The following SRGAP2 variants were observed in gnomAD, a reference collection of about 807,000 sequenced individuals.
SRGAP2 encodes the protein SLIT-ROBO Rho GTPase activating protein 2.
SRGAP2 carries 15 observed loss-of-function variants against 57.2 expected under a neutral mutation model. The ratio of observed to expected loss-of-function variants is 0.26; its 90% CI spans 0.18 to 0.40. The LOEUF (loss-of-function observed/expected upper bound fraction) is 0.40. SRGAP2 is among the 10% of genes least tolerant of loss of function. The pLI is 1.00. For missense variants in SRGAP2, 520 were observed against 669.6 expected, an observed-to-expected ratio of 0.78 and a Z score of 2.47; for synonymous variants, 249 against 248.0, an observed-to-expected ratio of 1.00 and a Z score of -0.04.
At chr1:206,342,340 A>C (rs1184924715) in intron 3 of SRGAP2, among the ~76,000 whole-genome samples, 1 of 152,230 alleles carries the variant, frequency 6.6e-6, no homozygotes, top group Non-Finnish European at 1.5e-5. Flanking sequence ...TTAGTGGCTA[A>C]AATGATGGAC....
At chr1:206,437,102 C>T (rs1661831504) in intron 15 of SRGAP2, 60 bp downstream of exon 15, 1 of 777,070 alleles carries the variant, frequency 1.3e-6, no homozygotes, top group Admixed American at 1.7e-5. Context: ...GGTATTGGCT[C>T]CACCCTTTCT....
At position 206,461,958 on chromosome 1, in the gene SRGAP2, G is replaced by C. The variant is rs1664304568; in HGVS notation, c.*538G>C. ...GTTTTTCTAGTCTCTGGCATGTGTA[G>C]CCTCTCCTGGTCATAGACCAGTCTC... On this transcript the variant is annotated 3_prime_UTR_variant, in exon 23 of 23. Coordinates refer to ENST00000573034, the MANE Select transcript of SRGAP2 (RefSeq NM_015326.5). 6.5e-6 allele frequency: 1 copy of C among 152,676 alleles called. No individual in the cohort carries two copies. Among genetic ancestry groups the C allele is most frequent in the South Asian group, 2.1e-4 (1 of 4,878 alleles). The allele number at this position is 152,676 out of a possible 1,614,324, so 9.5% of individuals were successfully genotyped here.
At chr1:206,240,037 G>A (rs1386443643) in intron 2 of SRGAP2, among the ~76,000 whole-genome samples, 13 of 151,850 alleles carry the variant, frequency 8.6e-5, no homozygotes, top group African/African-American at 2.4e-4. Context: ...AGGCCAAGGC[G>A]GGCGGATCAC....
chr1:206,228,795 G>C (rs1667437327), intron 2 of SRGAP2, among the ~76,000 whole-genome samples: 1 of 149,540 alleles, frequency 6.7e-6, no homozygotes, highest in African/African-American at 2.5e-5. Context: ...ATGTATGCTG[G>C]TTCCCTAGCA....
At chr1:206,374,196 T>C (rs1387963257) in intron 4 of SRGAP2, among the ~76,000 whole-genome samples, 3 of 151,048 alleles carry the variant, frequency 2.0e-5, no homozygotes, top group Admixed American at 1.3e-4. Flanking sequence ...GGCTAACTTT[T>C]TTTTTGTATT....
chr1:206,451,114 C>CT (rs1442169895), intron 19 of SRGAP2, among the ~76,000 whole-genome samples: 10 of 76,062 alleles, frequency 1.3e-4, no homozygotes, highest in African/African-American at 6.2e-4. Context: ...GAGACCCTGT[C>CT]TAAAAAAAAA....
intron 17 of SRGAP2, among the ~76,000 whole-genome samples, chr1:206,443,258 G>A (rs1662468047): frequency 6.6e-6 from 1 of 152,222 alleles, no homozygotes; most frequent in South Asian, 2.1e-4. Flanking sequence ...AGAACTCTTT[G>A]AGGACATGGC....
intron 2 of SRGAP2, among the ~76,000 whole-genome samples, chr1:206,267,101 T>C (rs1669904730): frequency 6.6e-6 from 1 of 151,502 alleles, no homozygotes; most frequent in Admixed American, 6.6e-5. Context: ...CCCAAGTAGC[T>C]GGGACTACAG....
chr1:206,239,552 G>T (rs1668081255), intron 2 of SRGAP2, among the ~76,000 whole-genome samples: 1 of 151,934 alleles, frequency 6.6e-6, no homozygotes, highest in African/African-American at 2.4e-5. Context: ...CCGCCTCCTG[G>T]GTTCAAGCAG....
chr1:206,458,355 AC>A (rs1316201960), intron 21 of SRGAP2: 4 of 643,720 alleles, frequency 6.2e-6, no homozygotes, highest in Non-Finnish European at 1.2e-5. Flanking sequence ...GCTTAATCAG[AC>A]ATTTTTTCTG....
chr1:206,457,339 A>G (rs782027101), intron 21 of SRGAP2, among the ~76,000 whole-genome samples: 2 of 152,218 alleles, frequency 1.3e-5, no homozygotes, highest in African/African-American at 2.4e-5. Flanking sequence ...CTGATCTCAG[A>G]GCTCACAGTC....
intron 2 of SRGAP2, among the ~76,000 whole-genome samples, chr1:206,290,464 T>G (rs1425684855): frequency 6.6e-6 from 1 of 151,812 alleles, no homozygotes; most frequent in Non-Finnish European, 1.5e-5. Flanking sequence ...CTGACCAACA[T>G]GGTGAAACTT....
intron 10 of SRGAP2, among the ~76,000 whole-genome samples, 170 bp from the exon 11 acceptor site, chr1:206,415,719 A>C (rs886661894): frequency 6.6e-6 from 1 of 152,232 alleles, no homozygotes; most frequent in Non-Finnish European, 1.5e-5. Flanking sequence ...CATGAAAATC[A>C]ACAGCTGCCC....
intron 17 of SRGAP2, among the ~76,000 whole-genome samples, chr1:206,442,067 A>G (rs1179225272): frequency 6.6e-6 from 1 of 152,248 alleles, no homozygotes; most frequent in Non-Finnish European, 1.5e-5. Context: ...AGACCATTTC[A>G]TAAGTGTCAG....
intron 22 of SRGAP2, among the ~76,000 whole-genome samples, chr1:206,459,412 C>A (rs781908492): frequency 1.3e-5 from 2 of 151,874 alleles, no homozygotes; most frequent in Non-Finnish European, 2.9e-5. Flanking sequence ...CAATTAAGAA[C>A]CTGCACCTGG....
intron 18 of SRGAP2, among the ~76,000 whole-genome samples, chr1:206,449,286 A>T (rs947889151): frequency 0.057 from 6,342 of 110,490 alleles, 202 homozygotes; most frequent in Non-Finnish European, 0.065. Context: ...ACACTGGATG[A>T]TTTTTTTTTT....
intron 18 of SRGAP2, 144 bp from the exon 19 acceptor site, chr1:206,450,242 A>G (rs1663143539): frequency 1.7e-6 from 1 of 585,650 alleles, no homozygotes; most frequent in South Asian, 2.1e-5. Flanking sequence ...ATTTCATTAT[A>G]AGCATTTGTC....
At chr1:206,310,600 C>T (rs1446078040) in intron 3 of SRGAP2, among the ~76,000 whole-genome samples, 2 of 152,120 alleles carry the variant, frequency 1.3e-5, no homozygotes, top group Admixed American at 1.3e-4. Flanking sequence ...ACCTCTACTT[C>T]TCAATGCAAC....
intron 2 of SRGAP2, among the ~76,000 whole-genome samples, chr1:206,239,422 A>G (rs1553308642): frequency 6.6e-6 from 1 of 151,790 alleles, no homozygotes; most frequent in African/African-American, 2.4e-5. Context: ...TTAAATTGAT[A>G]TAAAGACACC....
Sources: gnomAD v4.1 joint callset for allele counts (sites outside exome capture counted in the v4.1 genomes callset) on GRCh38, gnomAD v4.1.1 for gene constraint, MANE v1.5 for transcripts, NCBI Gene and HGNC (gene_info 2026-07-23, HGNC 2026-07-21) for gene names.